The following MMS22L variants were observed in gnomAD, a reference collection of about 807,000 sequenced individuals.
The protein encoded by MMS22L is protein MMS22-like.
Under a neutral mutation model 159.1 loss-of-function variants are expected in MMS22L, and 74 were observed. The ratio of observed to expected loss-of-function variants is 0.47; its 90% CI spans 0.39 to 0.56. The LOEUF is 0.56. Among genes scored for constraint, MMS22L ranks in the 20% least tolerant of loss-of-function variants. MMS22L has a pLI of 0.00. For synonymous variants in MMS22L, 517 were observed against 506.9 expected (o/e 1.02, Z -0.27); for missense variants, 1,351 against 1,422.1 (o/e 0.95, Z 0.80).
chr6:97,194,611 C>A (rs1289731786), intron 14 of MMS22L, among the ~76,000 whole-genome samples: 1 of 152,106 alleles, frequency 6.6e-6, no homozygotes, highest in Non-Finnish European at 1.5e-5. Context: ...AAGGCAATGA[C>A]CATGCAACTA....
At chr6:97,252,470 C>T (rs1397909233) in intron 10 of MMS22L, among the ~76,000 whole-genome samples, 1 of 151,744 alleles carries the variant, frequency 6.6e-6, no homozygotes, top group South Asian at 2.1e-4. Context: ...CATGGTGAAA[C>T]CCCATCTCTA....
chr6:97,202,983 G>A (rs542118945), intron 14 of MMS22L, among the ~76,000 whole-genome samples: 10 of 152,046 alleles, frequency 6.6e-5, no homozygotes, highest in South Asian at 2.1e-4. Context: ...CATTTTGTTT[G>A]CCACATCAAA....
At position 97,144,868 on chromosome 6, in the gene MMS22L, T is replaced by C. The variant is rs1800832345; in HGVS notation, c.*1938A>G. On this transcript the variant is annotated 3_prime_UTR_variant, in exon 25 of 25. Coordinates refer to ENST00000683635, the MANE Select transcript of MMS22L (RefSeq NM_001350599.2). ...ATTGTTACACACTTTGTTGTTACCA[T>C]TCTTAAGTACAAATTTTAGTTATTC... 6.6e-6 allele frequency: 1 copy of C among 152,142 alleles called. No homozygotes were observed. Among genetic ancestry groups the C allele is most frequent in the Non-Finnish European group, 1.5e-5 (1 of 68,012 alleles). 9.4% of individuals were successfully genotyped at this position (152,142 alleles called of 1,614,324 possible). A position where few individuals can be genotyped will look rare whatever the true frequency, so the allele number is the denominator to read the frequency against.
At chr6:97,272,502 A>T (rs1244458367) in intron 6 of MMS22L, 2 of 492,264 alleles carry the variant, frequency 4.1e-6, no homozygotes, top group African/African-American at 3.9e-5. Flanking sequence ...GGTAAGTTGT[A>T]AGAATTACAC....
chr6:97,167,490 C>T (rs1269947750), intron 20 of MMS22L, among the ~76,000 whole-genome samples: 1 of 152,152 alleles, frequency 6.6e-6, no homozygotes, highest in Non-Finnish European at 1.5e-5. Context: ...CATATGACCA[C>T]CAGAATCATC....
At chr6:97,215,565 C>T (rs1400771234) in intron 14 of MMS22L, among the ~76,000 whole-genome samples, 1 of 152,088 alleles carries the variant, frequency 6.6e-6, no homozygotes, top group Non-Finnish European at 1.5e-5. Context: ...ATCTGTGGCC[C>T]ATGTGCTAGG....
At chr6:97,176,540 C>T (rs1804135698) in intron 18 of MMS22L, among the ~76,000 whole-genome samples, 1 of 152,052 alleles carries the variant, frequency 6.6e-6, no homozygotes, top group African/African-American at 2.4e-5. Context: ...TCCTACAATT[C>T]CTTGATCCTA....
intron 8 of MMS22L, 23 bp from the exon 9 acceptor site, chr6:97,263,471 G>C: frequency 1.5e-6 from 2 of 1,299,630 alleles, no homozygotes; most frequent in Non-Finnish European, 2.1e-6. Context: ...ACCAAAATGT[G>C]TTATTTATAA....
intron 14 of MMS22L, among the ~76,000 whole-genome samples, chr6:97,192,753 G>A (rs1364282819): frequency 6.6e-6 from 1 of 152,100 alleles, no homozygotes. Flanking sequence ...TATTAGGGTT[G>A]GCCAGAGAAT....
In MMS22L at chr6:97,186,607, C is replaced by A. The variant is rs138325370; in HGVS notation, c.2123G>T (p.Arg708Leu). ...FVQSSLSAKE[R>L]HLAAVASALW... ...TGCACTGGCAACTGCAGCAAGGTGGCGCTCTTTAGCCGATAATGAAGACTG... is the reference window on the plus strand; with the variant it reads ...TGCACTGGCAACTGCAGCAAGGTGGAGCTCTTTAGCCGATAATGAAGACTG... The change falls in exon 15 of 25, where the codon CGC becomes CTC. Residue 708 changes from arginine (R) to leucine (L), a missense_variant. Coordinates refer to ENST00000683635, the MANE Select transcript of MMS22L (RefSeq NM_001350599.2). 2.5e-6 allele frequency: 4 copies of A among 1,611,598 alleles called. No individual in the cohort carries two copies. In the South Asian group the frequency reaches 4.4e-5, roughly 18 times the overall value.
rs1385645453 is a variant in MMS22L, at chr6:97,146,912, G to A, written c.3651-25C>T. On this transcript the variant is annotated intron_variant, in intron 24 of 24. Transcript: ENST00000683635. The stretch of plus-strand genomic sequence containing the variant: ...CCTGTTTAAGAAAAAAGAAAAGAAA[G>A]CAAATATATTAACATTTTCATTATT... 2.9e-6 allele frequency: 4 copies of A among 1,395,108 alleles called. No homozygotes were observed. In the South Asian group the frequency reaches 3.9e-5, roughly 14 times the overall value. 86.4% of individuals were successfully genotyped at this position (1,395,108 alleles called of 1,614,324 possible).
intron 14 of MMS22L, among the ~76,000 whole-genome samples, chr6:97,196,853 CAT>C (rs1439991806): frequency 1.3e-5 from 2 of 152,128 alleles, no homozygotes; most frequent in East Asian, 3.9e-4. Context: ...ACATACTACA[CAT>C]ATATAGATAC....
intron 13 of MMS22L, among the ~76,000 whole-genome samples, chr6:97,229,925 G>T (rs1810675472): frequency 6.6e-6 from 1 of 152,060 alleles, no homozygotes; most frequent in South Asian, 2.1e-4. Context: ...CATCTGCAAA[G>T]AACTATGCAT....
chr6:97,154,388 T>C (rs535314812), intron 22 of MMS22L, among the ~76,000 whole-genome samples: 43 of 152,320 alleles, frequency 2.8e-4, no homozygotes, highest in African/African-American at 1.0e-3. Flanking sequence ...CAAGTATTTT[T>C]TCCCATTTTG....
rs1366445863 is a variant in MMS22L, at chr6:97,144,529, CAGAG to C, written c.*2273_*2276del. On this transcript the variant is annotated 3_prime_UTR_variant, in exon 25 of 25. Transcript: ENST00000683635. ...AAGATAAAAGAAAATACAATTGTCA[CAGAG>C]AGGACAAAGAACATGAGAAAGGAGA... The C allele has an allele frequency of 6.6e-6, 1 of 152,142 alleles. No homozygotes were observed. Among genetic ancestry groups the C allele is most frequent in the Non-Finnish European group, 1.5e-5 (1 of 68,068 alleles). 9.4% of individuals were successfully genotyped at this position (152,142 alleles called of 1,614,324 possible). A position where few individuals can be genotyped will look rare whatever the true frequency, so the allele number is the denominator to read the frequency against.
At chr6:97,232,330 C>T (rs1810960285) in intron 12 of MMS22L, among the ~76,000 whole-genome samples, 2 of 152,086 alleles carry the variant, frequency 1.3e-5, no homozygotes, top group Admixed American at 1.3e-4. Flanking sequence ...TGCCTTATTT[C>T]ATTAAATGTA....
chr6:97,226,611 T>C lies in MMS22L; in HGVS notation c.2039+2283A>G, dbSNP rs577233170. ...CTCCGTCTCAAAATATATATGTATA[T>C]ATTCTATATACACATATGTGTATAT... On this transcript the variant is annotated intron_variant, in intron 14 of 24. Coordinates refer to ENST00000683635, the MANE Select transcript of MMS22L (RefSeq NM_001350599.2). Among the ~76,000 whole-genome samples, 38 of 151,920 alleles carry C rather than the reference T, an allele frequency of 2.5e-4. 1 individual carries two copies. In the South Asian group the frequency reaches 7.9e-3, roughly 32 times the overall value.
chr6:97,262,651 C>A lies in MMS22L; in HGVS notation c.942+684G>T, dbSNP rs538572057. Among the ~76,000 whole-genome samples, 6 of 99,272 alleles carry A rather than the reference C, an allele frequency of 6.0e-5. No homozygotes were observed. In the East Asian group the frequency reaches 1.6e-3, roughly 26 times the overall value. The allele number at this position is 99,272 out of a possible 152,430, so 65.1% of individuals were successfully genotyped here. ...CTCTAGCCTGAGCAACAGAGCAAGA[C>A]TGCCTCAAAAAAAAAAAAAAAAAAA... On this transcript the variant is annotated intron_variant, in intron 9 of 24. Coordinates refer to ENST00000683635, the MANE Select transcript of MMS22L (RefSeq NM_001350599.2).
chr6:97,246,284 GA>G (rs1456412792), intron 11 of MMS22L: 1 of 375,802 alleles, frequency 2.7e-6, no homozygotes, highest in African/African-American at 2.1e-5. Context: ...CTGTGATGAG[GA>G]TATAGCTGAA....
Sources: allele counts gnomAD v4.1 joint callset (sites outside exome capture counted in the v4.1 genomes callset), GRCh38; gene constraint gnomAD v4.1.1; transcripts MANE v1.5; gene names NCBI Gene and HGNC (gene_info 2026-07-23, HGNC 2026-07-21).